The following PTPN3 variants were observed in gnomAD, a reference collection of about 807,000 sequenced individuals.
PTPN3 encodes the protein protein tyrosine phosphatase non-receptor type 3.
PTPN3 carries 96 observed loss-of-function variants against 132.7 expected under a neutral mutation model. The ratio of observed to expected loss-of-function variants is 0.72; its 90% confidence interval spans 0.61 to 0.86. The LOEUF (loss-of-function observed/expected upper bound fraction) is 0.86. PTPN3 is among the 40% of genes least tolerant of loss of function. PTPN3 has a pLI of 0.00. For synonymous variants in PTPN3, 398 were observed against 429.0 expected (o/e 0.93, Z 0.89); for missense variants, 1,125 against 1,159.6 (o/e 0.97, Z 0.43).
At chr9:109,529,939 G>A in the PTPN3 span, among the ~76,000 whole-genome samples, 5 of 151,940 alleles carry the variant, frequency 3.3e-5, no homozygotes, top group Admixed American at 1.3e-4. Context: ...GTAGAGACGG[G>A]CATCTCACTA....
chr9:109,521,388 G>C, the PTPN3 span, among the ~76,000 whole-genome samples: 1 of 152,078 alleles, frequency 6.6e-6, no homozygotes. Flanking sequence ...TCGAACTCCC[G>C]AACTTAGGTG....
intron 25 of PTPN3, among the ~76,000 whole-genome samples, chr9:109,381,244 T>C (rs1245867040): frequency 6.6e-6 from 1 of 152,112 alleles, no homozygotes; most frequent in Non-Finnish European, 1.5e-5. Context: ...TGACCCTACT[T>C]TGAGCTCTGG....
At chr9:109,523,736 G>A in the PTPN3 span, among the ~76,000 whole-genome samples, 162 of 152,246 alleles carry the variant, frequency 1.1e-3, no homozygotes, top group East Asian at 0.027. Flanking sequence ...CTAGACTCCC[G>A]GATCTTTAGA....
intron 22 of PTPN3, among the ~76,000 whole-genome samples, chr9:109,386,878 T>C (rs1839628758): frequency 6.6e-6 from 1 of 152,134 alleles, no homozygotes. Context: ...GGGGAGCCTC[T>C]AGGCCAGGAA....
chr9:109,377,125 A>G lies in PTPN3; in HGVS notation c.*2431T>C, dbSNP rs996772676. The G allele has an allele frequency of 7.9e-5, 12 of 152,232 alleles. No individual in the cohort carries two copies. The highest frequency in any genetic ancestry group is 2.7e-4 in the African/African-American group (11 of 41,458). 9.4% of individuals were successfully genotyped at this position (152,232 alleles called of 1,614,324 possible). On this transcript the variant is annotated 3_prime_UTR_variant, in exon 26 of 26. Transcript: ENST00000374541. Reference sequence around the variant, plus strand: ...TTTTACCAAACAGTAATAACTTGCTAAATATCCTAATGGCATTTAAATTTT... The same window carrying G: ...TTTTACCAAACAGTAATAACTTGCTGAATATCCTAATGGCATTTAAATTTT...
chr9:109,481,079 G>A (rs1229962383), intron 1 of PTPN3, among the ~76,000 whole-genome samples: 4 of 152,078 alleles, frequency 2.6e-5, no homozygotes, highest in Non-Finnish European at 5.9e-5. Context: ...TATCAACAAC[G>A]GCATTTACAC....
intron 1 of PTPN3, 132 bp from the exon 2 acceptor site, chr9:109,463,583 G>T: frequency 1.4e-6 from 1 of 724,812 alleles, no homozygotes; most frequent in Non-Finnish European, 2.1e-6. Context: ...CTACATAGCA[G>T]ATCATGTTTC....
Position 109,415,031 on chromosome 9 carries a change from T to C in PTPN3, c.1314-4616A>G, listed in dbSNP as rs4568668. ...AGTTTCATCTAACCATTTGTCCGTCTGTCCGTCCGTCCGTCCGTCCATCCG... is the reference window on the plus strand; with the variant it reads ...AGTTTCATCTAACCATTTGTCCGTCCGTCCGTCCGTCCGTCCGTCCATCCG... On this transcript the variant is annotated intron_variant, in intron 14 of 25. Transcript: ENST00000374541. Among the ~76,000 whole-genome samples, 22 of 62,320 alleles carry C rather than the reference T, an allele frequency of 3.5e-4. 1 individual carries two copies. Among genetic ancestry groups the C allele is most frequent in the Admixed American group, 1.4e-3 (8 of 5,694 alleles). 40.9% of individuals were successfully genotyped at this position (62,320 alleles called of 152,430 possible).
At chr9:109,429,413 T>C (rs1256066422) in intron 10 of PTPN3, among the ~76,000 whole-genome samples, 2 of 152,156 alleles carry the variant, frequency 1.3e-5, no homozygotes, top group Admixed American at 6.5e-5. Flanking sequence ...ACTGCCCTTC[T>C]CAGAGAGCGG....
chr9:109,410,216 T>G lies in PTPN3; in HGVS notation c.1500+13A>C, dbSNP rs763259962. ...TGGGTGTGTGGATCACCCGGCTGCCTGCGCTCGCTCACCTTGTCACAGTAG... is the reference window on the plus strand; with the variant it reads ...TGGGTGTGTGGATCACCCGGCTGCCGGCGCTCGCTCACCTTGTCACAGTAG... On this transcript the variant is annotated intron_variant, in intron 15 of 25. Transcript: ENST00000374541. The G allele has an allele frequency of 1.1e-5, 18 of 1,612,198 alleles. No homozygotes were observed. Among genetic ancestry groups the G allele is most frequent in the Non-Finnish European group, 1.4e-5 (16 of 1,178,572 alleles).
At chr9:109,414,929 T>G (rs373018682) in intron 14 of PTPN3, among the ~76,000 whole-genome samples, 1 of 152,144 alleles carries the variant, frequency 6.6e-6, no homozygotes, top group Non-Finnish European at 1.5e-5. Context: ...TCATGTGATA[T>G]GGACACATGA....
intron 6 of PTPN3, among the ~76,000 whole-genome samples, chr9:109,445,922 A>G (rs1271434251): frequency 6.6e-6 from 1 of 152,220 alleles, no homozygotes; most frequent in Non-Finnish European, 1.5e-5. Context: ...ATTCACTAGT[A>G]ATCATGGACT....
At chr9:109,479,779 C>T (rs1475928152) in intron 1 of PTPN3, among the ~76,000 whole-genome samples, 1 of 152,188 alleles carries the variant, frequency 6.6e-6, no homozygotes, top group Non-Finnish European at 1.5e-5. Context: ...GGGTTTCGCC[C>T]TGTTGCCCAG....
intron 19 of PTPN3, among the ~76,000 whole-genome samples, chr9:109,392,233 G>A (rs1197317535): frequency 5.3e-5 from 8 of 152,068 alleles, no homozygotes; most frequent in South Asian, 2.1e-4. Context: ...TGCTTTGTTC[G>A]AGATCACAAA....
At chr9:109,409,259 G>A (rs1053260821) in intron 16 of PTPN3, among the ~76,000 whole-genome samples, 1 of 152,100 alleles carries the variant, frequency 6.6e-6, no homozygotes, top group African/African-American at 2.4e-5. Context: ...TGGTGGCCCT[G>A]CAGGTTGAAC....
intron 25 of PTPN3, among the ~76,000 whole-genome samples, chr9:109,381,268 G>C (rs577461674): frequency 1.3e-5 from 2 of 152,226 alleles, no homozygotes; most frequent in African/African-American, 4.8e-5. Flanking sequence ...GCCCGTGGAG[G>C]ACACAGCAGG....
chr9:109,454,138 T>A (rs745659730), intron 5 of PTPN3, among the ~76,000 whole-genome samples: 33 of 139,354 alleles, frequency 2.4e-4, no homozygotes, highest in Non-Finnish European at 5.1e-4. Flanking sequence ...TACAAATTTG[T>A]CTTCTACATC....
chr9:109,519,635 A>G, the PTPN3 span, among the ~76,000 whole-genome samples: 8 of 152,174 alleles, frequency 5.3e-5, no homozygotes, highest in African/African-American at 1.7e-4. Flanking sequence ...TGCTGACTGC[A>G]AGGGCTGGAC....
intron 5 of PTPN3, chr9:109,451,011 A>C (rs1845204161): frequency 2.1e-6 from 2 of 975,576 alleles, no homozygotes; most frequent in Non-Finnish European, 2.4e-6. Context: ...TATAGGTAAA[A>C]TCTTTTAAGT....
Sources: allele counts gnomAD v4.1 joint callset (sites outside exome capture counted in the v4.1 genomes callset), GRCh38; gene constraint gnomAD v4.1.1; transcripts MANE v1.5; gene names NCBI Gene and HGNC (gene_info 2026-07-23, HGNC 2026-07-21).